The following ANKS6 variants were observed in gnomAD, a reference collection of about 807,000 sequenced individuals.
The protein encoded by ANKS6 is ankyrin repeat and SAM domain-containing protein 6.
ANKS6 carries 47 observed loss-of-function variants against 77.9 expected under a neutral mutation model. The observed-to-expected ratio is 0.60, with a 90% CI of 0.48 to 0.77. The LOEUF (loss-of-function observed/expected upper bound fraction) is 0.77, where lower values mean the gene tolerates loss of function less well. Ranked by LOEUF, ANKS6 falls within the 30% of genes least tolerant of loss-of-function variation. The pLI, the probability that ANKS6 is intolerant of heterozygous loss-of-function variation, is 0.00. For synonymous variants in ANKS6, 488 were observed against 501.7 expected (o/e 0.97, Z 0.37); for missense variants, 1,150 against 1,159.1 (o/e 0.99, Z 0.11).
At position 98,777,510 on chromosome 9, in the gene ANKS6, G is replaced by A; in HGVS notation, c.1568-56C>T. 8 of 1,561,778 alleles carry A rather than the reference G, an allele frequency of 5.1e-6. No homozygotes were observed. The Admixed American group carries it at 6.7e-5, about 13-fold the overall frequency. On this transcript the variant is annotated intron_variant, in intron 7 of 14. Coordinates refer to ENST00000353234, the MANE Select transcript of ANKS6 (RefSeq NM_173551.5). The stretch of plus-strand genomic sequence containing the variant: ...ACCCCTCCACGTGTCCACAGCATAA[G>A]GATGAGTGACTGGGGCAGGCTTCAA...
At chr9:98,759,759 A>C (rs1832911320) in intron 11 of ANKS6, among the ~76,000 whole-genome samples, 1 of 152,242 alleles carries the variant, frequency 6.6e-6, no homozygotes, top group South Asian at 2.1e-4. Context: ...GAAACACTGC[A>C]TACTCTAACT....
At chr9:98,775,417 G>T (rs1189963624) in intron 8 of ANKS6, among the ~76,000 whole-genome samples, 1 of 152,164 alleles carries the variant, frequency 6.6e-6, no homozygotes, top group Non-Finnish European at 1.5e-5. Context: ...ACACTAGAAT[G>T]TTCTAATGTA....
chr9:98,771,521 G>A (rs957694235), intron 9 of ANKS6, among the ~76,000 whole-genome samples: 1 of 152,032 alleles, frequency 6.6e-6, no homozygotes, highest in Non-Finnish European at 1.5e-5. Context: ...GTCTTTCCTG[G>A]CCCCATTGTC....
intron 14 of ANKS6, among the ~76,000 whole-genome samples, chr9:98,740,156 A>G (rs1831745048): frequency 6.6e-6 from 1 of 152,064 alleles, no homozygotes; most frequent in Admixed American, 6.5e-5. Context: ...CAGACTTCAA[A>G]CTTTCTTTCA....
At chr9:98,743,337 C>G (rs772246805) in intron 14 of ANKS6, among the ~76,000 whole-genome samples, 6 of 151,786 alleles carry the variant, frequency 4.0e-5, no homozygotes, top group Non-Finnish European at 5.9e-5. Context: ...CTGAGTCACC[C>G]TTTACCACCC....
chr9:98,735,639 T>C lies in ANKS6; in HGVS notation c.*880A>G. On this transcript the variant is annotated 3_prime_UTR_variant, in exon 15 of 15. Coordinates refer to ENST00000353234, the MANE Select transcript of ANKS6 (RefSeq NM_173551.5). Reference sequence around the variant, plus strand: ...TTCAGTGCAGAAAGCCCTGCAGTGATACAGGTGAGCACTGTGGAGTACCAG... The same window carrying C: ...TTCAGTGCAGAAAGCCCTGCAGTGACACAGGTGAGCACTGTGGAGTACCAG... 3 of 1,231,748 alleles carry C rather than the reference T, an allele frequency of 2.4e-6. No homozygotes were observed. In the South Asian group the frequency reaches 1.2e-4, roughly 51 times the overall value. 76.3% of individuals were successfully genotyped at this position (1,231,748 alleles called of 1,614,324 possible). A position where few individuals can be genotyped will look rare whatever the true frequency, so the allele number is the denominator to read the frequency against.
intron 4 of ANKS6, 110 bp from the exon 5 acceptor site, chr9:98,782,683 G>T: frequency 1.2e-6 from 1 of 813,398 alleles, no homozygotes; most frequent in African/African-American, 1.7e-5. Context: ...ATTTAAGAAG[G>T]ACATGGAAGG....
chr9:98,740,438 C>T (rs1256632019), intron 14 of ANKS6, among the ~76,000 whole-genome samples: 2 of 152,232 alleles, frequency 1.3e-5, no homozygotes, highest in South Asian at 4.1e-4. Context: ...CGCAGGCCCG[C>T]CCCTTTTCCG....
At chr9:98,769,256 A>C (rs1833496045) in intron 10 of ANKS6, among the ~76,000 whole-genome samples, 1 of 152,190 alleles carries the variant, frequency 6.6e-6, no homozygotes, top group South Asian at 2.1e-4. Context: ...CGCTGCTGTA[A>C]GTATTTCACA....
At chr9:98,752,012 G>C (rs1338217283) in intron 12 of ANKS6, among the ~76,000 whole-genome samples, 2 of 152,204 alleles carry the variant, frequency 1.3e-5, no homozygotes, top group African/African-American at 4.8e-5. Flanking sequence ...CTTGTGCCCA[G>C]GAGTTTGAGG....
Position 98,736,614 on chromosome 9 carries a change from T to C in ANKS6, c.2521A>G (p.Arg841Gly). 1 of 1,610,034 alleles carries C rather than the reference T, an allele frequency of 6.2e-7. No individual in the cohort carries two copies. The highest frequency in any genetic ancestry group is 8.5e-7 in the Non-Finnish European group (1 of 1,177,962). Residue 841 changes from arginine (R) to glycine (G), a missense_variant, in exon 15 of 15, where the codon AGA becomes GGA. Coordinates refer to ENST00000353234, the MANE Select transcript of ANKS6 (RefSeq NM_173551.5). ...TGAATGGTTTCCTGTAAAATTTGTC[T>C]CTCGCGTCCCTGTGGAGGAAATTGA... ...SELNAGKGRE[R>G]QILQETIHNF... is the part of the protein sequence containing the mutation.
At chr9:98,780,551 G>A (rs776404562) in intron 5 of ANKS6, among the ~76,000 whole-genome samples, 5 of 152,322 alleles carry the variant, frequency 3.3e-5, no homozygotes, top group East Asian at 1.9e-4. Flanking sequence ...AAGAAAAACC[G>A]GAAGTCCTCT....
At chr9:98,773,277 C>A (rs983535325) in intron 9 of ANKS6, among the ~76,000 whole-genome samples, 2 of 152,214 alleles carry the variant, frequency 1.3e-5, no homozygotes, top group African/African-American at 4.8e-5. Flanking sequence ...TCTCCAATCA[C>A]CCAGCACATG....
intron 13 of ANKS6, among the ~76,000 whole-genome samples, chr9:98,746,736 T>C (rs543526031): frequency 3.3e-5 from 5 of 152,290 alleles, no homozygotes; most frequent in African/African-American, 1.2e-4. Flanking sequence ...CTCATGGGCT[T>C]TTCCTGAGGG....
chr9:98,784,606 T>C (rs1393656366), intron 3 of ANKS6: 1 of 541,898 alleles, frequency 1.8e-6, no homozygotes, highest in East Asian at 2.9e-5. Context: ...AGGGCATAGC[T>C]AGACAGTGTT....
intron 14 of ANKS6, among the ~76,000 whole-genome samples, chr9:98,738,188 G>C (rs1831606939): frequency 6.6e-6 from 1 of 152,178 alleles, no homozygotes. Flanking sequence ...AGGATTTCAT[G>C]ACCAAGAACC....
chr9:98,739,916 C>T (rs532200998), intron 14 of ANKS6, among the ~76,000 whole-genome samples: 38 of 151,664 alleles, frequency 2.5e-4, no homozygotes, highest in African/African-American at 9.7e-5. Context: ...CCACCTCACC[C>T]GGCTAATTTT....
Position 98,790,435 on chromosome 9 carries a change from G to C in ANKS6, c.531C>G (p.Gly177=). ...TGCTGCCGCCCAACCCCAGTTGCTC[G>C]CCTGAAGGGTGGTGATGGTCCACAA... The part of the protein sequence containing the change: ...GAFVDHHHPS[G]EQLGLGGSRD... The change falls in exon 2 of 15, where the codon GGC becomes GGG. Residue 177 remains glycine (G), a synonymous_variant. Coordinates refer to ENST00000353234, the MANE Select transcript of ANKS6 (RefSeq NM_173551.5). 6.2e-7 allele frequency: 1 copy of C among 1,613,722 alleles called. No homozygotes were observed. The highest frequency in any genetic ancestry group is 8.5e-7 in the Non-Finnish European group (1 of 1,179,984).
Position 98,736,250 on chromosome 9 carries a change from A to C in ANKS6, c.*269T>G. Reference sequence around the variant, plus strand: ...GGAGGGCAGAGCACAGGATGAAAGGAGCTGAGTCCCTGCATCACTGTGTGA... The same window carrying C: ...GGAGGGCAGAGCACAGGATGAAAGGCGCTGAGTCCCTGCATCACTGTGTGA... On this transcript the variant is annotated 3_prime_UTR_variant, in exon 15 of 15. Coordinates refer to ENST00000353234, the MANE Select transcript of ANKS6 (RefSeq NM_173551.5). The C allele has an allele frequency of 6.2e-6, 8 of 1,285,754 alleles. No homozygotes were observed. Among genetic ancestry groups the C allele is most frequent in the Non-Finnish European group, 7.9e-6 (8 of 1,017,898 alleles). 79.6% of individuals were successfully genotyped at this position (1,285,754 alleles called of 1,614,324 possible).
Sources: gnomAD v4.1 joint callset for allele counts (sites outside exome capture counted in the v4.1 genomes callset) on GRCh38, gnomAD v4.1.1 for gene constraint, MANE v1.5 for transcripts, NCBI Gene and HGNC (gene_info 2026-07-23, HGNC 2026-07-21) for gene names.